ADAMTSL1: variants seen among roughly 807,000 people sequenced by gnomAD.
ADAMTSL1 encodes ADAMTS like 1.
Under a neutral mutation model 201.8 loss-of-function variants are expected in ADAMTSL1, and 126 were observed. That is an observed-to-expected ratio of 0.62 (90% CI 0.54 to 0.72). ADAMTSL1 has a LOEUF of 0.72. Among genes scored for constraint, ADAMTSL1 ranks in the 30% least tolerant of loss-of-function variants. The pLI is 0.00. For synonymous variants in ADAMTSL1, 1,121 were observed against 903.4 expected (o/e 1.24, Z -4.32); for missense variants, 2,679 against 2,277.8 (o/e 1.18, Z -3.59).
intron 1 of ADAMTSL1, among the ~76,000 whole-genome samples, chr9:17,938,073 A>T (rs888706263): frequency 1.3e-5 from 2 of 152,162 alleles, no homozygotes; most frequent in Non-Finnish European, 2.9e-5. Flanking sequence ...CCAAGGGAAA[A>T]TATGCTTGGA....
At chr9:18,190,025 G>A (rs890551925) in intron 2 of ADAMTSL1, among the ~76,000 whole-genome samples, 1 of 152,210 alleles carries the variant, frequency 6.6e-6, no homozygotes, top group African/African-American at 2.4e-5. Flanking sequence ...GAACAAGAAT[G>A]AGCCTGGTCA....
chr9:18,465,585 A>G (rs1820972202), intron 2 of ADAMTSL1, among the ~76,000 whole-genome samples: 1 of 152,204 alleles, frequency 6.6e-6, no homozygotes, highest in African/African-American at 2.4e-5. Context: ...CACTTGCTCC[A>G]CTGAATGTCC....
At chr9:18,840,162 G>C (rs546053616) in intron 23 of ADAMTSL1, among the ~76,000 whole-genome samples, 39 of 150,278 alleles carry the variant, frequency 2.6e-4, no homozygotes, top group African/African-American at 8.9e-4. Context: ...GGTTTTTATG[G>C]TTTTAGGTCT....
At chr9:18,877,772 T>C (rs1828261154) in intron 23 of ADAMTSL1, among the ~76,000 whole-genome samples, 1 of 152,120 alleles carries the variant, frequency 6.6e-6, no homozygotes, top group Admixed American at 6.6e-5. Context: ...GTATACAAGC[T>C]TGCCCTAGGG....
At chr9:18,719,887 C>A (rs1833229115) in intron 14 of ADAMTSL1, among the ~76,000 whole-genome samples, 1 of 152,080 alleles carries the variant, frequency 6.6e-6, no homozygotes, top group Non-Finnish European at 1.5e-5. Flanking sequence ...CTGTACTATA[C>A]TAGGTAGTAT....
At chr9:18,448,819 A>G (rs1820297365) in intron 2 of ADAMTSL1, among the ~76,000 whole-genome samples, 1 of 152,172 alleles carries the variant, frequency 6.6e-6, no homozygotes, top group Admixed American at 6.5e-5. Flanking sequence ...AAAAATATAT[A>G]GAAAGTAAAA....
intron 2 of ADAMTSL1, among the ~76,000 whole-genome samples, chr9:18,202,784 C>A (rs961726674): frequency 6.6e-6 from 1 of 152,088 alleles, no homozygotes; most frequent in Admixed American, 6.6e-5. Flanking sequence ...TTTTTTTCAT[C>A]TCCAGTTTCT....
At chr9:18,495,952 G>A (rs767701581) in intron 1 of ADAMTSL1, among the ~76,000 whole-genome samples, 4 of 151,976 alleles carry the variant, frequency 2.6e-5, no homozygotes, top group South Asian at 2.1e-4. Flanking sequence ...AAAATAAAAC[G>A]TATTTCCAGG....
At chr9:18,740,130 G>A (rs1277785489) in intron 15 of ADAMTSL1, among the ~76,000 whole-genome samples, 1 of 152,140 alleles carries the variant, frequency 6.6e-6, no homozygotes, top group East Asian at 1.9e-4. Context: ...GGGCCTACTT[G>A]AAGCAACATG....
intron 1 of ADAMTSL1, among the ~76,000 whole-genome samples, chr9:17,958,596 C>T (rs955580335): frequency 2.6e-5 from 4 of 152,084 alleles, no homozygotes; most frequent in African/African-American, 7.2e-5. Context: ...TCTTTAATTA[C>T]GTTAATTAGC....
chr9:18,581,086 T>C (rs73644616), intron 4 of ADAMTSL1, among the ~76,000 whole-genome samples: 1 of 152,254 alleles, frequency 6.6e-6, no homozygotes, highest in African/African-American at 2.4e-5. Flanking sequence ...ATCAGAACCA[T>C]GCTTTCTCTG....
intron 2 of ADAMTSL1, among the ~76,000 whole-genome samples, chr9:18,172,126 CAG>C (rs1231505784): frequency 1.2e-4 from 4 of 34,328 alleles, no homozygotes; most frequent in African/African-American, 5.0e-4. Flanking sequence ...GGGGGCTTGT[CAG>C]GGGGTGGGGG....
At chr9:18,746,869 A>G (rs148665936) in intron 15 of ADAMTSL1, among the ~76,000 whole-genome samples, 3 of 152,206 alleles carry the variant, frequency 2.0e-5, no homozygotes, top group Non-Finnish European at 2.9e-5. Flanking sequence ...GATTACCCAT[A>G]TTAACCCTGA....
At chr9:18,492,601 G>A (rs1176217043) in intron 1 of ADAMTSL1, among the ~76,000 whole-genome samples, 4 of 152,138 alleles carry the variant, frequency 2.6e-5, no homozygotes, top group Non-Finnish European at 1.5e-5. Flanking sequence ...ACTGCACAAC[G>A]TTTTTTCATG....
chr9:18,505,555 G>A (rs1047067864), intron 2 of ADAMTSL1, among the ~76,000 whole-genome samples: 5 of 152,180 alleles, frequency 3.3e-5, no homozygotes, highest in African/African-American at 1.2e-4. Context: ...TGACATCTAA[G>A]CTAAAAGGAA....
intron 2 of ADAMTSL1, among the ~76,000 whole-genome samples, chr9:18,369,710 C>A (rs1231518126): frequency 2.0e-5 from 3 of 152,092 alleles, no homozygotes; most frequent in Non-Finnish European, 2.9e-5. Context: ...ATATTTATTA[C>A]AGCACTATTC....
intron 1 of ADAMTSL1, among the ~76,000 whole-genome samples, chr9:18,010,505 C>T (rs757224942): frequency 2.4e-4 from 36 of 151,978 alleles, no homozygotes; most frequent in Non-Finnish European, 5.2e-4. Context: ...AGAGTCAGAA[C>T]AGGGAGAGAT....
intron 16 of ADAMTSL1, among the ~76,000 whole-genome samples, chr9:18,767,630 C>G (rs900582530): frequency 2.6e-5 from 4 of 152,142 alleles, no homozygotes; most frequent in Non-Finnish European, 5.9e-5. Flanking sequence ...TAAATTTCTC[C>G]TAAGTACCAA....
chr9:18,029,398 G>T (rs941183016), intron 1 of ADAMTSL1, among the ~76,000 whole-genome samples: 5 of 152,036 alleles, frequency 3.3e-5, no homozygotes, highest in African/African-American at 1.2e-4. Context: ...AAATTAATTC[G>T]AAATGGATTA....
Sources: gnomAD v4.1 joint callset for allele counts (sites outside exome capture counted in the v4.1 genomes callset) on GRCh38, gnomAD v4.1.1 for gene constraint, MANE v1.5 for transcripts, NCBI Gene and HGNC (gene_info 2026-07-23, HGNC 2026-07-21) for gene names.